The following NAPG variants were observed in gnomAD, a reference collection of about 807,000 sequenced individuals.
NAPG encodes the protein gamma-soluble NSF attachment protein.
A neutral mutation model predicts 48.4 loss-of-function variants in NAPG; 25 were observed. That is an observed-to-expected ratio of 0.52 (90% CI 0.38 to 0.72). The LOEUF (loss-of-function observed/expected upper bound fraction) is 0.72. Among genes scored for constraint, NAPG ranks in the 30% least tolerant of loss-of-function variants. NAPG has a pLI of 0.00. For missense variants in NAPG, 359 were observed against 372.5 expected (o/e 0.96, Z 0.30); for synonymous variants, 139 against 127.2 (o/e 1.09, Z -0.62).
chr18:10,548,897 A>G lies in NAPG; in HGVS notation c.666-70A>G. Reference sequence around the variant, plus strand: ...CCAGACAGTGTCACATGCCAGGGGCAGAATCATCCCTGCCTGAGATGTGTT... The same window carrying G: ...CCAGACAGTGTCACATGCCAGGGGCGGAATCATCCCTGCCTGAGATGTGTT... On this transcript the variant is annotated intron_variant, in intron 10 of 11. Transcript: ENST00000322897. The surrounding 1 kb of genome is among the most constrained non-coding windows in gnomAD (Gnocchi z 4.4). The G allele has an allele frequency of 6.4e-7, 1 of 1,559,172 alleles. No homozygotes were observed. Among genetic ancestry groups the G allele is most frequent in the Non-Finnish European group, 8.7e-7 (1 of 1,145,856 alleles).
At chr18:10,537,295 T>C (rs377678440) in intron 5 of NAPG, among the ~76,000 whole-genome samples, 2 of 152,128 alleles carry the variant, frequency 1.3e-5, no homozygotes, top group Non-Finnish European at 2.9e-5. Context: ...AACAGTCAGT[T>C]AGTACATATG....
At chr18:10,541,511 C>A (rs536948323) in intron 8 of NAPG, among the ~76,000 whole-genome samples, 1 of 152,146 alleles carries the variant, frequency 6.6e-6, no homozygotes, top group Non-Finnish European at 1.5e-5. Flanking sequence ...TTGGTGATGG[C>A]GTTATGGCTG....
chr18:10,540,107 A>T, intron 7 of NAPG, 53 bp downstream of exon 7: 1 of 1,398,390 alleles, frequency 7.2e-7, no homozygotes, highest in Admixed American at 2.3e-5. Flanking sequence ...TTAGATTAAT[A>T]ATATATAGGA....
In NAPG at chr18:10,539,614, G is replaced by A; in HGVS notation, c.259-148G>A. 3.1e-6 allele frequency: 2 copies of A among 652,560 alleles called. No homozygotes were observed. Among genetic ancestry groups the A allele is most frequent in the Non-Finnish European group, 5.4e-6 (2 of 373,348 alleles). 40.4% of individuals were successfully genotyped at this position (652,560 alleles called of 1,614,324 possible). ...TTGATAGGTATAGCAAACCACCATGGGACATGTATACCTATGTAACAAACC... is the reference window on the plus strand; with the variant it reads ...TTGATAGGTATAGCAAACCACCATGAGACATGTATACCTATGTAACAAACC... On this transcript the variant is annotated intron_variant, in intron 5 of 11. Transcript: ENST00000322897. This position sits in a 1 kb window ranked among gnomAD's most constrained non-coding sequence, Gnocchi z 4.7.
rs1036417159 is a variant in NAPG, at chr18:10,526,033, G to C, written c.-70G>C. 2 of 1,478,082 alleles carry C rather than the reference G, an allele frequency of 1.4e-6. No individual in the cohort carries two copies. The highest frequency in any genetic ancestry group is 3.4e-5 in the Admixed American group (2 of 59,070). The allele number at this position is 1,478,082 out of a possible 1,614,324, so 91.6% of individuals were successfully genotyped here. A position where few individuals can be genotyped will look rare whatever the true frequency, so the allele number is the denominator to read the frequency against. On this transcript the variant is annotated 5_prime_UTR_variant, in exon 1 of 12. Transcript: ENST00000322897. ...CTCCTCGGCGTTCCCACGCCTATTT[G>C]GGCGGATTCTTGGCGCCGGAGGAAG...
chr18:10,532,212 G>GT lies in NAPG; in HGVS notation c.125-492dup, dbSNP rs1018930331. Among the ~76,000 whole-genome samples the GT allele has an allele frequency of 6.0e-5, 9 of 150,450 alleles. No homozygotes were observed. In the South Asian group the frequency reaches 8.3e-4, roughly 14 times the overall value. On this transcript the variant is annotated intron_variant, in intron 2 of 11. Transcript: ENST00000322897. ...TAGATAGTAAACAGTATAAAAGATT[G>GT]TTTTTTTAAAAAAATGCATTGTTAG...
rs774967895 is a variant in NAPG at position 10,532,814 on chromosome 18, A to T, written c.209+19A>T. 3.3e-5 allele frequency: 50 copies of T among 1,521,462 alleles called. No individual in the cohort carries two copies. Among genetic ancestry groups the T allele is most frequent in the African/African-American group, 9.7e-5 (7 of 72,230 alleles). 94.2% of individuals were successfully genotyped at this position (1,521,462 alleles called of 1,614,324 possible). ...ATAGGGCGTATCTTTTTCAACTTTT[A>T]AAAAGAAATTAAACAATTAGATGAT... On this transcript the variant is annotated intron_variant, in intron 3 of 11. Transcript: ENST00000322897.
Position 10,534,610 on chromosome 18 carries a change from T to A in NAPG, c.258+114T>A. On this transcript the variant is annotated intron_variant, in intron 5 of 11. Coordinates refer to ENST00000322897, the MANE Select transcript of NAPG (RefSeq NM_003826.3). The surrounding 1 kb of genome is among the most constrained non-coding windows in gnomAD (Gnocchi z 5.0). ...TTCCTTACTGTAAGGCAAGAGGTGC[T>A]AAGTTAAGATTTTCTGTCCACGGTA... 1.1e-6 allele frequency: 1 copy of A among 904,384 alleles called. No homozygotes were observed. The highest frequency in any genetic ancestry group is 1.8e-6 in the Non-Finnish European group (1 of 555,712). 56.0% of individuals were successfully genotyped at this position (904,384 alleles called of 1,614,324 possible).
intron 2 of NAPG, among the ~76,000 whole-genome samples, chr18:10,531,319 G>C (rs1598409188): frequency 6.6e-6 from 1 of 152,180 alleles, no homozygotes; most frequent in Non-Finnish European, 1.5e-5. Context: ...GAAGTGTTAA[G>C]CTATATACAT....
At chr18:10,533,777 G>T (rs2031978115) in intron 4 of NAPG, among the ~76,000 whole-genome samples, 1 of 150,216 alleles carries the variant, frequency 6.7e-6, no homozygotes, top group African/African-American at 2.5e-5. Flanking sequence ...TTTATTAGGA[G>T]CATTTTGTTC....
chr18:10,533,845 A>G (rs922261410), intron 4 of NAPG, among the ~76,000 whole-genome samples: 11 of 152,300 alleles, frequency 7.2e-5, no homozygotes, highest in Admixed American at 2.6e-4. Context: ...TTGATAGTTA[A>G]TGGTGCCTGT....
At chr18:10,540,186 G>C (rs2032121902) in intron 7 of NAPG, 132 bp downstream of exon 7, 1 of 1,053,268 alleles carries the variant, frequency 9.5e-7, no homozygotes, top group South Asian at 1.6e-5. Flanking sequence ...TTTCTTTTCT[G>C]TTAGAGAGTA....
intron 11 of NAPG, 96 bp from the exon 12 acceptor site, chr18:10,549,981 G>T: frequency 3.1e-6 from 4 of 1,304,750 alleles, no homozygotes; most frequent in Non-Finnish European, 1.0e-6. Context: ...TGGTGTTCCT[G>T]AGGGTGGGGA....
At chr18:10,528,498 A>G (rs1373812183) in intron 1 of NAPG, among the ~76,000 whole-genome samples, 7 of 152,182 alleles carry the variant, frequency 4.6e-5, no homozygotes. Context: ...AAGAGGAGGA[A>G]AGGTGACTCT....
rs552599953 is a variant in NAPG at position 10,526,233 on chromosome 18, G to C, written c.56+75G>C. The C allele has an allele frequency of 2.5e-5, 24 of 942,398 alleles. 1 individual carries two copies. The highest frequency in any genetic ancestry group is 3.4e-4 in the Middle Eastern group (1 of 2,950). 58.4% of individuals were successfully genotyped at this position (942,398 alleles called of 1,614,324 possible). A position where few individuals can be genotyped will look rare whatever the true frequency, so the allele number is the denominator to read the frequency against. ...TCACTGGCGCGGCCTTAGCACCCGG[G>C]GGGGGCGGGAGGGAGGGCTCAGGGC... On this transcript the variant is annotated intron_variant, in intron 1 of 11. Coordinates refer to ENST00000322897, the MANE Select transcript of NAPG (RefSeq NM_003826.3).
At position 10,541,779 on chromosome 18, in the gene NAPG, T is replaced by G. The variant is rs1046777941; in HGVS notation, c.506+1380T>G. Among the ~76,000 whole-genome samples the G allele has an allele frequency of 3.3e-5, 5 of 152,316 alleles. No individual in the cohort carries two copies. In the Middle Eastern group the frequency reaches 0.017, roughly 518 times the overall value. On this transcript the variant is annotated intron_variant, in intron 8 of 11. Coordinates refer to ENST00000322897, the MANE Select transcript of NAPG (RefSeq NM_003826.3). ...GTGAAGTTGCAGGAAGGGGCAGAAG[T>G]TAAGGACAGCCCTGTGTGAAAGTCC...
chr18:10,527,984 G>A (rs57353975), intron 1 of NAPG, among the ~76,000 whole-genome samples: 8,510 of 152,090 alleles, frequency 0.056, 711 homozygotes, highest in African/African-American at 0.18. Flanking sequence ...TCAGGAGTTC[G>A]AGACCAGCCT....
At position 10,539,792 on chromosome 18, in the gene NAPG, C is replaced by G; in HGVS notation, c.289C>G (p.Leu97Val). Residue 97 changes from leucine (L) to valine (V), a missense_variant, in exon 6 of 12, where the codon CTA becomes GTA. Physicochemically the swap from Leu to Val is conservative, Grantham distance 32. Coordinates refer to ENST00000322897, the MANE Select transcript of NAPG (RefSeq NM_003826.3). The surrounding 1 kb of genome is among the most constrained non-coding windows in gnomAD (Gnocchi z 4.7). ...EMQKLPEAVQLIEKASMMYLE... is the reference protein window; with the variant it reads ...EMQKLPEAVQVIEKASMMYLE... ...GCAGAAACTACCAGAGGCCGTTCAG[C>G]TAATTGAGAAGGCCAGCATGATGTA... 3 of 1,613,986 alleles carry G rather than the reference C, an allele frequency of 1.9e-6. No individual in the cohort carries two copies. Among genetic ancestry groups the G allele is most frequent in the Non-Finnish European group, 2.5e-6 (3 of 1,179,874 alleles).
At chr18:10,535,092 G>T (rs1193480239) in intron 5 of NAPG, among the ~76,000 whole-genome samples, 2 of 152,240 alleles carry the variant, frequency 1.3e-5, no homozygotes, top group Admixed American at 1.3e-4. Flanking sequence ...CCAGCTGGCA[G>T]TTGAAATGAA....
Sources: allele counts gnomAD v4.1 joint callset (sites outside exome capture counted in the v4.1 genomes callset), GRCh38; gene constraint gnomAD v4.1.1; non-coding constraint Gnocchi (gnomAD v3.1); transcripts MANE v1.5; gene names NCBI Gene and HGNC (gene_info 2026-07-23, HGNC 2026-07-21).